Variants in POU3F3 observed in about 807,000 individuals in gnomAD.
POU3F3 encodes POU class 3 homeobox 3, also known as POU domain, class 3, transcription factor 3.
Under a neutral mutation model 8.6 loss-of-function variants are expected in POU3F3, and 1 was observed. The observed-to-expected ratio is 0.12, with a 90% CI of 0.04 to 0.55. The LOEUF is 0.55. POU3F3 is among the 20% of genes least tolerant of loss of function. The probability of loss-of-function intolerance (pLI) is 0.91; values close to 1 mark genes in which losing one functional copy is unlikely to be tolerated. For missense variants in POU3F3, 577 were observed against 690.7 expected, an observed-to-expected ratio of 0.84 and a Z score of 1.84; for synonymous variants, 418 against 327.4, an observed-to-expected ratio of 1.28 and a Z score of -2.99.
rs1676569789 is a variant in POU3F3 at position 104,856,397 on chromosome 2, G to A, written c.887G>A (p.Gly296Asp). Residue 296 changes from glycine to aspartate, a missense_variant, in exon 1 of 1, where the codon GGC (glycine) becomes GAC (aspartate). Gly to Asp is a moderately conservative substitution (Grantham distance 94). This residue lies in a region of POU3F3 where 484 missense variants were observed against 422.6 expected (regional missense o/e 1.15). Coordinates refer to ENST00000361360, the MANE Select transcript of POU3F3 (RefSeq NM_006236.3). ...HHAQGPPHHGGGGGGAGPGLN... is the reference protein window; with the variant it reads ...HHAQGPPHHGDGGGGAGPGLN... ...GCGCAGGGACCCCCGCACCACGGCGGCGGCGGCGGCGGCGCGGGGCCTGGA... is the reference window on the plus strand; with the variant it reads ...GCGCAGGGACCCCCGCACCACGGCGACGGCGGCGGCGGCGCGGGGCCTGGA... The A allele has an allele frequency of 6.3e-7, 1 of 1,575,436 alleles. No individual in the cohort carries two copies. The highest frequency in any genetic ancestry group is 1.4e-5 in the African/African-American group (1 of 73,818).
chr2:104,880,427 C>T, the POU3F3 span, among the ~76,000 whole-genome samples: 2 of 152,132 alleles, frequency 1.3e-5, no homozygotes, highest in African/African-American at 4.8e-5. Flanking sequence ...GACCGTGAGA[C>T]CTGTTCTTCT....
chr2:104,915,779 C>T, the POU3F3 span, among the ~76,000 whole-genome samples: 2 of 151,820 alleles, frequency 1.3e-5, no homozygotes, highest in Non-Finnish European at 2.9e-5. Flanking sequence ...GGACACGTTT[C>T]GAGAATGATA....
At chr2:104,880,371 T>C in the POU3F3 span, among the ~76,000 whole-genome samples, 1 of 152,136 alleles carries the variant, frequency 6.6e-6, no homozygotes, top group African/African-American at 2.4e-5. Context: ...TTGGACAGAG[T>C]GCAGTCTGTA....
At chr2:104,887,713 C>G in the POU3F3 span, among the ~76,000 whole-genome samples, 20 of 152,178 alleles carry the variant, frequency 1.3e-4, no homozygotes, top group Admixed American at 1.2e-3. Context: ...GCTCATAAGG[C>G]CTTTCCTAGT....
the POU3F3 span, among the ~76,000 whole-genome samples, chr2:104,902,796 G>A: frequency 6.6e-6 from 1 of 152,226 alleles, no homozygotes; most frequent in Non-Finnish European, 1.5e-5. Flanking sequence ...ATGGTGGTCT[G>A]AATTATAAGA....
chr2:104,890,163 A>T, the POU3F3 span, among the ~76,000 whole-genome samples: 1 of 152,092 alleles, frequency 6.6e-6, no homozygotes, highest in African/African-American at 2.4e-5. Flanking sequence ...CACTGGGAGG[A>T]CAGGGTGGAG....
chr2:104,877,078 C>T, the POU3F3 span, among the ~76,000 whole-genome samples: 1 of 143,182 alleles, frequency 7.0e-6, no homozygotes, highest in African/African-American at 2.6e-5. Context: ...AGAGTCATTG[C>T]CTCTTCCCTT....
chr2:104,922,081 T>G, the POU3F3 span, among the ~76,000 whole-genome samples: 1 of 152,130 alleles, frequency 6.6e-6, no homozygotes, highest in African/African-American at 2.4e-5. Context: ...TAAAAATACC[T>G]GAAAAGACTT....
the POU3F3 span, among the ~76,000 whole-genome samples, chr2:104,924,721 T>G: frequency 6.6e-6 from 1 of 152,220 alleles, no homozygotes; most frequent in Non-Finnish European, 1.5e-5. Context: ...CCTCTCTTTT[T>G]CTGAATTGAT....
At chr2:104,920,091 T>C in the POU3F3 span, among the ~76,000 whole-genome samples, 6 of 152,224 alleles carry the variant, frequency 3.9e-5, no homozygotes, top group Admixed American at 1.3e-4. Context: ...CTCAGCCCAC[T>C]GCAACCTCTA....
chr2:104,856,138 G>A lies in POU3F3; in HGVS notation c.628G>A (p.Ala210Thr). The change falls in exon 1 of 1, where the codon GCC becomes ACC. Residue 210 changes from alanine (A) to threonine (T), a missense_variant. By Grantham distance (58) the Ala-to-Thr change is moderately conservative (BLOSUM62 0). Transcript: ENST00000361360. ...CGCCGCCGCGCACCTCCCGTCCATGGCCGGGGGCCAGCAGCCGCCGCCGCA... is the reference window on the plus strand; with the variant it reads ...CGCCGCCGCGCACCTCCCGTCCATGACCGGGGGCCAGCAGCCGCCGCCGCA... ...AAAAAHLPSM[A>T]GGQQPPPQSL... 8.3e-7 allele frequency: 1 copy of A among 1,211,088 alleles called. No individual in the cohort carries two copies. The highest frequency in any genetic ancestry group is 3.0e-5 in the South Asian group (1 of 33,122). The allele number at this position is 1,211,088 out of a possible 1,614,324, so 75.0% of individuals were successfully genotyped here.
At chr2:104,899,032 C>T in the POU3F3 span, among the ~76,000 whole-genome samples, 8 of 152,052 alleles carry the variant, frequency 5.3e-5, no homozygotes, top group African/African-American at 1.9e-4. Flanking sequence ...GAAAATTCTC[C>T]CTATACAGTG....
At chr2:104,907,387 A>G in the POU3F3 span, among the ~76,000 whole-genome samples, 2 of 152,296 alleles carry the variant, frequency 1.3e-5, no homozygotes, top group Admixed American at 1.3e-4. Context: ...GCCACTGCCT[A>G]AAAAGCCTTG....
the POU3F3 span, among the ~76,000 whole-genome samples, chr2:104,924,784 T>A: frequency 2.4e-4 from 37 of 152,328 alleles, no homozygotes; most frequent in African/African-American, 8.2e-4. Context: ...ATGTAACTGA[T>A]GAAATGCAAC....
chr2:104,925,182 A>G, the POU3F3 span, among the ~76,000 whole-genome samples: 43 of 152,306 alleles, frequency 2.8e-4, no homozygotes, highest in African/African-American at 1.0e-3. Context: ...CTGGGAAATC[A>G]ACTTCTCCAC....
chr2:104,879,269 G>A, the POU3F3 span, among the ~76,000 whole-genome samples: 16,788 of 151,692 alleles, frequency 0.11, 1,480 homozygotes, highest in East Asian at 0.5. Context: ...GTCTTAAGCC[G>A]CGATTGGGCT....
chr2:104,871,261 T>A, the POU3F3 span, among the ~76,000 whole-genome samples: 2 of 152,356 alleles, frequency 1.3e-5, no homozygotes, highest in East Asian at 3.8e-4. Flanking sequence ...AAGACTCCAT[T>A]ATTTACCAGC....
the POU3F3 span, among the ~76,000 whole-genome samples, chr2:104,895,322 C>T: frequency 7.3e-4 from 111 of 152,254 alleles, no homozygotes; most frequent in African/African-American, 2.4e-3. Flanking sequence ...TACAAGCAGG[C>T]GCTATGACTC....
rs779530854 is a variant in POU3F3 at position 104,856,968 on chromosome 2, C to A, written c.1458C>A (p.Ala486=). Residue 486 remains alanine (A), a synonymous_variant, in exon 1 of 1, where the codon GCC becomes GCA. Coordinates refer to ENST00000361360, the MANE Select transcript of POU3F3 (RefSeq NM_006236.3). ...ACTCGCAGGTGGGCACCGTGAGCGC[C>A]GACACGCCGCCGCCTCACCACGGGC... The part of the protein sequence containing the change: ...DVYSQVGTVS[A]DTPPPHHGLQ... 1 of 1,610,874 alleles carries A rather than the reference C, an allele frequency of 6.2e-7. No individual in the cohort carries two copies. The highest frequency in any genetic ancestry group is 8.5e-7 in the Non-Finnish European group (1 of 1,179,200).
Sources: allele counts gnomAD v4.1 joint callset (sites outside exome capture counted in the v4.1 genomes callset), GRCh38; gene constraint gnomAD v4.1.1; regional missense constraint gnomAD v4.1.1; transcripts MANE v1.5; gene names NCBI Gene and HGNC (gene_info 2026-07-23, HGNC 2026-07-21).